RCC1: variants seen among roughly 807,000 people sequenced by gnomAD.
RCC1 encodes regulator of chromosome condensation 1, also known as regulator of chromosome condensation.
RCC1 carries 11 observed loss-of-function variants against 44.4 expected under a neutral mutation model. The ratio of observed to expected loss-of-function variants is 0.25; its 90% CI spans 0.16 to 0.41. RCC1 has a LOEUF of 0.41. RCC1 is among the 10% of genes least tolerant of loss of function. The pLI is 1.00. For missense variants in RCC1, 386 were observed against 547.1 expected, an observed-to-expected ratio of 0.71 and a Z score of 2.94; for synonymous variants, 213 against 216.5, an observed-to-expected ratio of 0.98 and a Z score of 0.14.
In RCC1 at chr1:28,535,062, G is replaced by A. The variant is rs747933048; in HGVS notation, c.454G>A (p.Val152Met). The A allele has an allele frequency of 6.2e-7, 1 of 1,614,032 alleles. No individual in the cohort carries two copies. ...CCCTCCCTTCTAGGACAATAACGGT[G>A]TGATTGGACTGTTGGAGCCCATGAA... ...LWGSFRDNNG[V>M]IGLLEPMKKS... Residue 152 changes from valine (V) to methionine (M), a missense_variant, in exon 8 of 13, where the codon GTG (valine) becomes ATG (methionine). Val to Met is a conservative substitution (Grantham distance 21). Coordinates refer to ENST00000683442, the MANE Select transcript of RCC1 (RefSeq NM_001381865.2).
intron 1 of RCC1, chr1:28,507,384 G>A (rs1662051046): frequency 1.9e-6 from 1 of 519,106 alleles, no homozygotes; most frequent in African/African-American, 1.9e-5. Flanking sequence ...GATACACCCG[G>A]GAGGTCACTC....
At chr1:28,518,363 G>C (rs1255821389) in intron 4 of RCC1, 1 of 152,070 alleles carries the variant, frequency 6.6e-6, no homozygotes, top group South Asian at 2.1e-4. Flanking sequence ...TAAGCGGAGC[G>C]GCCACAGCCG....
At chr1:28,530,157 C>CA (rs71805038) in intron 5 of RCC1, among the ~76,000 whole-genome samples, 4,299 of 118,798 alleles carry the variant, frequency 0.036, 127 homozygotes, top group Admixed American at 0.12. Flanking sequence ...AGCACTGGCA[C>CA]AAAAAAAAAA....
intron 4 of RCC1, among the ~76,000 whole-genome samples, chr1:28,527,479 G>A (rs1296593719): frequency 1.3e-5 from 2 of 152,116 alleles, no homozygotes; most frequent in African/African-American, 4.8e-5. Context: ...CTGGGCTCAA[G>A]CGATCCTCCT....
chr1:28,522,530 G>C (rs913145920), intron 4 of RCC1, among the ~76,000 whole-genome samples: 1 of 151,872 alleles, frequency 6.6e-6, no homozygotes, highest in Non-Finnish European at 1.5e-5. Flanking sequence ...GAATGAGGCC[G>C]GGCATGGTAC....
chr1:28,507,112 T>C (rs966451660), intron 1 of RCC1: 3 of 232,654 alleles, frequency 1.3e-5, no homozygotes, highest in Non-Finnish European at 2.7e-5. Context: ...CGTGTTTCAT[T>C]TGAATTTAGG....
chr1:28,514,256 T>C (rs1032960045), intron 3 of RCC1, among the ~76,000 whole-genome samples: 11 of 150,854 alleles, frequency 7.3e-5, no homozygotes, highest in African/African-American at 2.2e-4. Context: ...CAAGACCGTC[T>C]TGGCTAACAC....
chr1:28,528,779 A>G (rs1013883079), intron 4 of RCC1, among the ~76,000 whole-genome samples: 5 of 136,290 alleles, frequency 3.7e-5, no homozygotes, highest in African/African-American at 5.8e-5. Context: ...TTTTTCTCAC[A>G]TATTTTTTGT....
intron 7 of RCC1, among the ~76,000 whole-genome samples, chr1:28,533,457 C>T (rs1262133028): frequency 2.4e-5 from 3 of 124,900 alleles, no homozygotes; most frequent in Non-Finnish European, 3.3e-5. Context: ...GGGGACAGAG[C>T]GAGACTCCAT....
At chr1:28,532,860 G>A (rs1180586614) in intron 7 of RCC1, 2 of 387,478 alleles carry the variant, frequency 5.2e-6, no homozygotes, top group African/African-American at 4.2e-5. Context: ...TTGTTGCCCA[G>A]GCTGGAGTGC....
chr1:28,511,293 A>G (rs1007865777), intron 3 of RCC1, among the ~76,000 whole-genome samples: 6 of 152,202 alleles, frequency 3.9e-5, no homozygotes, highest in African/African-American at 7.2e-5. Flanking sequence ...TATTTGTGAA[A>G]AGATTCTTAG....
intron 3 of RCC1, among the ~76,000 whole-genome samples, chr1:28,515,095 T>C (rs1057099328): frequency 6.6e-6 from 1 of 152,118 alleles, no homozygotes; most frequent in African/African-American, 2.4e-5. Context: ...CTGGCCAACA[T>C]AGTGAAACCC....
At chr1:28,513,044 A>T (rs1388253410) in intron 3 of RCC1, among the ~76,000 whole-genome samples, 1 of 148,976 alleles carries the variant, frequency 6.7e-6, no homozygotes, top group African/African-American at 2.5e-5. Flanking sequence ...AAGTGCTGGG[A>T]TTACAGGTGT....
chr1:28,531,884 A>T lies in RCC1; in HGVS notation c.155A>T (p.Glu52Val), dbSNP rs747096709. 2 of 1,607,622 alleles carry T rather than the reference A, an allele frequency of 1.2e-6. No individual in the cohort carries two copies. Among genetic ancestry groups the T allele is most frequent in the Non-Finnish European group, 1.7e-6 (2 of 1,176,978 alleles). The change falls in exon 6 of 13, where the codon GAG becomes GTG. Residue 52 changes from glutamate to valine, a missense_variant. Transcript: ENST00000683442. ...GACGTGGGCCAGCTGGGGCTGGGTG[A>T]GAATGTGATGGAGAGGAAGAAGCCG... ...QGDVGQLGLG[E>V]NVMERKKPAL...
chr1:28,508,629 T>TGCC (rs751930433), intron 2 of RCC1: 1 of 518,930 alleles, frequency 1.9e-6, no homozygotes, highest in Admixed American at 1.9e-5. Context: ...CTTAGGGCTC[T>TGCC]GCCCCATGAT....
chr1:28,508,847 ACT>A lies in RCC1; in HGVS notation c.-210_-209del, dbSNP rs1662263935. 5.8e-6 allele frequency: 3 copies of A among 517,636 alleles called. No homozygotes were observed. The highest frequency in any genetic ancestry group is 2.0e-5 in the Admixed American group (1 of 51,262). 32.1% of individuals were successfully genotyped at this position (517,636 alleles called of 1,614,324 possible). Reference sequence around the variant, plus strand: ...TCTTTTAGGAGAGAAGACGATCTGCACTTCGCATTTTGGCATTGACATTTAAT... The same window carrying A: ...TCTTTTAGGAGAGAAGACGATCTGCATCGCATTTTGGCATTGACATTTAAT... On this transcript the variant is annotated 5_prime_UTR_variant, in exon 3 of 13. Transcript: ENST00000683442.
At chr1:28,511,234 A>G (rs1479177321) in intron 3 of RCC1, among the ~76,000 whole-genome samples, 1 of 152,138 alleles carries the variant, frequency 6.6e-6, no homozygotes, top group Admixed American at 6.6e-5. Flanking sequence ...TGTTCACAAA[A>G]TAAGTGATAA....
chr1:28,526,003 C>T (rs1049276451), intron 4 of RCC1, among the ~76,000 whole-genome samples: 1 of 152,082 alleles, frequency 6.6e-6, no homozygotes, highest in Admixed American at 6.6e-5. Context: ...TGGCTCCGGC[C>T]GGGCATGGTG....
chr1:28,513,525 C>T (rs1264576815), intron 3 of RCC1, among the ~76,000 whole-genome samples: 1 of 151,434 alleles, frequency 6.6e-6, no homozygotes, highest in African/African-American at 2.4e-5. Context: ...TTGTAGGTAA[C>T]ATGTTGGGTT....
Sources: allele counts gnomAD v4.1 joint callset (sites outside exome capture counted in the v4.1 genomes callset), GRCh38; gene constraint gnomAD v4.1.1; transcripts MANE v1.5; gene names NCBI Gene and HGNC (gene_info 2026-07-23, HGNC 2026-07-21).